Variants in INPP4B observed in about 807,000 individuals in gnomAD.
The protein encoded by INPP4B is inositol polyphosphate-4-phosphatase type II B.
INPP4B carries 55 observed loss-of-function variants against 122.5 expected under a neutral mutation model. That is an observed-to-expected ratio of 0.45 (90% confidence interval 0.36 to 0.56). INPP4B has a LOEUF of 0.56. Among genes scored for constraint, INPP4B ranks in the 20% least tolerant of loss-of-function variants. The pLI, the probability that INPP4B is intolerant of heterozygous loss-of-function variation, is 0.00. For missense variants in INPP4B, 1,000 were observed against 1,097.7 expected (o/e 0.91, Z 1.26); for synonymous variants, 403 against 388.7 (o/e 1.04, Z -0.43).
At chr4:142,491,053 C>T (rs1036482047) in intron 2 of INPP4B, among the ~76,000 whole-genome samples, 5 of 152,068 alleles carry the variant, frequency 3.3e-5, no homozygotes, top group Non-Finnish European at 5.9e-5. Context: ...CTTCAACATA[C>T]TCATTTCAAA....
At chr4:142,100,775 G>A (rs1578898983) in intron 23 of INPP4B, among the ~76,000 whole-genome samples, 2 of 152,032 alleles carry the variant, frequency 1.3e-5, no homozygotes, top group African/African-American at 4.8e-5. Flanking sequence ...TGATGATGAA[G>A]GGGCAAAGTT....
chr4:142,076,245 G>A (rs1770648424), intron 25 of INPP4B, among the ~76,000 whole-genome samples: 2 of 152,042 alleles, frequency 1.3e-5, no homozygotes. Context: ...GAAGATCGAC[G>A]AAAATTAGCA....
chr4:142,461,357 T>C (rs1816693240), intron 3 of INPP4B, among the ~76,000 whole-genome samples: 1 of 152,218 alleles, frequency 6.6e-6, no homozygotes, highest in Non-Finnish European at 1.5e-5. Context: ...TCAGATTAAC[T>C]GAGATGCAAA....
Position 142,025,003 on chromosome 4 carries a change from T to A in INPP4B, c.*3779A>T, listed in dbSNP as rs892598713. The A allele has an allele frequency of 6.6e-6, 1 of 152,112 alleles. No individual in the cohort carries two copies. Among genetic ancestry groups the A allele is most frequent in the Non-Finnish European group, 1.5e-5 (1 of 68,016 alleles). The allele number at this position is 152,112 out of a possible 1,614,324, so 9.4% of individuals were successfully genotyped here. ...ACCAAAACATTTATATAACCAAAAT[T>A]ATAGCCATCTGAAGATAAGGGATTG... On this transcript the variant is annotated 3_prime_UTR_variant, in exon 26 of 26. Coordinates refer to ENST00000262992, the MANE Select transcript of INPP4B (RefSeq NM_001101669.3).
chr4:142,574,489 T>A (rs192974321), intron 2 of INPP4B, among the ~76,000 whole-genome samples: 5 of 152,080 alleles, frequency 3.3e-5, no homozygotes, highest in Admixed American at 3.3e-4. Flanking sequence ...TTAAATGCTG[T>A]CTTGAGTCAC....
At position 142,028,064 on chromosome 4, in the gene INPP4B, A is replaced by ATTCT. The variant is rs1272170009; in HGVS notation, c.*714_*717dup. 4.5e-6 allele frequency: 1 copy of ATTCT among 222,080 alleles called. No individual in the cohort carries two copies. The highest frequency in any genetic ancestry group is 9.0e-6 in the Non-Finnish European group (1 of 111,068). The allele number at this position is 222,080 out of a possible 1,614,324, so 13.8% of individuals were successfully genotyped here. A position where few individuals can be genotyped will look rare whatever the true frequency, so the allele number is the denominator to read the frequency against. The stretch of plus-strand genomic sequence containing the variant: ...AGATCATTGCAGTGTTTTGCTTATC[A>ATTCT]TTCTATTAAACGTTCTATATTGCTA... On this transcript the variant is annotated 3_prime_UTR_variant, in exon 26 of 26. Coordinates refer to ENST00000262992, the MANE Select transcript of INPP4B (RefSeq NM_001101669.3).
intron 2 of INPP4B, among the ~76,000 whole-genome samples, chr4:142,550,621 T>TA (rs371250535): frequency 0.077 from 9,823 of 126,778 alleles, 433 homozygotes; most frequent in African/African-American, 0.13. Flanking sequence ...TATATATATA[T>TA]TTTTTTTTTT....
At chr4:142,833,705 C>T (rs936273259) in intron 1 of INPP4B, among the ~76,000 whole-genome samples, 2 of 151,956 alleles carry the variant, frequency 1.3e-5, no homozygotes, top group Non-Finnish European at 2.9e-5. Flanking sequence ...AAGCGAACCT[C>T]CCACCTCAGC....
At chr4:142,472,190 A>T (rs563726114) in intron 2 of INPP4B, among the ~76,000 whole-genome samples, 22 of 152,312 alleles carry the variant, frequency 1.4e-4, no homozygotes, top group African/African-American at 4.8e-4. Context: ...CTTAGTAAAG[A>T]GAAAATAATA....
intron 20 of INPP4B, among the ~76,000 whole-genome samples, chr4:142,122,541 A>G (rs532434324): frequency 6.6e-6 from 1 of 152,108 alleles, no homozygotes; most frequent in East Asian, 1.9e-4. Context: ...CTTTCTTTCT[A>G]CTGGCAGGAC....
chr4:142,204,810 C>G (rs1441384389), intron 14 of INPP4B, among the ~76,000 whole-genome samples: 1 of 151,968 alleles, frequency 6.6e-6, no homozygotes, highest in Non-Finnish European at 1.5e-5. Flanking sequence ...AAGGATTACT[C>G]CATAGGTTTA....
At chr4:142,399,085 G>A (rs1800720283) in intron 7 of INPP4B, among the ~76,000 whole-genome samples, 1 of 151,794 alleles carries the variant, frequency 6.6e-6, no homozygotes, top group Admixed American at 6.6e-5. Flanking sequence ...GTTGGAAGAG[G>A]CTTACTCATC....
intron 2 of INPP4B, among the ~76,000 whole-genome samples, chr4:142,463,444 A>C (rs897344595): frequency 6.6e-6 from 1 of 151,840 alleles, no homozygotes; most frequent in Admixed American, 6.6e-5. Flanking sequence ...CCTCCATGTG[A>C]CTCCACTGGG....
chr4:142,545,703 A>G (rs13101271), intron 2 of INPP4B, among the ~76,000 whole-genome samples: 51,387 of 110,942 alleles, frequency 0.46, 18,346 homozygotes, highest in Non-Finnish European at 0.6. Context: ...ATATGTGTAT[A>G]TATATGTGTG....
intron 2 of INPP4B, among the ~76,000 whole-genome samples, chr4:142,678,494 C>T (rs1303180948): frequency 6.6e-6 from 1 of 151,784 alleles, no homozygotes; most frequent in African/African-American, 2.4e-5. Context: ...GCCTCATTTA[C>T]TTATTTTACA....
chr4:142,744,343 T>C (rs903707645), intron 1 of INPP4B, among the ~76,000 whole-genome samples: 2 of 151,810 alleles, frequency 1.3e-5, no homozygotes, highest in Non-Finnish European at 2.9e-5. Context: ...ATAAGTATAA[T>C]AGTAGTCTTA....
intron 21 of INPP4B, among the ~76,000 whole-genome samples, chr4:142,117,794 GCAAT>G (rs559644867): frequency 2.4e-3 from 369 of 152,252 alleles, no homozygotes; most frequent in African/African-American, 8.4e-3. Context: ...TCTGGCTAGG[GCAAT>G]CAGGCAGGAG....
intron 1 of INPP4B, among the ~76,000 whole-genome samples, chr4:142,773,539 ATT>A (rs1773410222): frequency 6.6e-6 from 1 of 152,176 alleles, no homozygotes; most frequent in African/African-American, 2.4e-5. Flanking sequence ...TTGATGTGAG[ATT>A]TACTATCTAC....
chr4:142,453,516 G>A (rs1456965805), intron 3 of INPP4B, among the ~76,000 whole-genome samples: 2 of 152,172 alleles, frequency 1.3e-5, no homozygotes, highest in East Asian at 3.9e-4. Context: ...TTTATCTTCT[G>A]CTTTTTATTA....
Sources: allele counts gnomAD v4.1 joint callset (sites outside exome capture counted in the v4.1 genomes callset), GRCh38; gene constraint gnomAD v4.1.1; transcripts MANE v1.5; gene names NCBI Gene and HGNC (gene_info 2026-07-23, HGNC 2026-07-21).